The following FBXO16 variants were observed in gnomAD, a reference collection of about 807,000 sequenced individuals.
The protein encoded by FBXO16 is F-box protein 16.
FBXO16 carries 31 observed loss-of-function variants against 41.0 expected under a neutral mutation model. The ratio of observed to expected loss-of-function variants is 0.76; its 90% CI spans 0.57 to 1.02. FBXO16 has a LOEUF of 1.02. FBXO16 is among the 50% of genes least tolerant of loss of function. FBXO16 has a pLI of 0.00. For synonymous variants in FBXO16, 133 were observed against 117.8 expected (o/e 1.13, Z -0.84); for missense variants, 361 against 346.2 (o/e 1.04, Z -0.34).
intron 7 of FBXO16, among the ~76,000 whole-genome samples, chr8:28,429,637 C>A (rs1444535338): frequency 6.6e-6 from 1 of 151,952 alleles, no homozygotes; most frequent in African/African-American, 2.4e-5. Flanking sequence ...GGAGTCAGAT[C>A]AGAGTCCTTG....
At chr8:28,461,743 T>C (rs1360175510) in intron 4 of FBXO16, among the ~76,000 whole-genome samples, 1 of 152,220 alleles carries the variant, frequency 6.6e-6, no homozygotes, top group Non-Finnish European at 1.5e-5. Context: ...TTGCTCACGA[T>C]ACATAAAATG....
intron 3 of FBXO16, among the ~76,000 whole-genome samples, chr8:28,473,074 A>C (rs1281297854): frequency 6.6e-6 from 1 of 152,202 alleles, no homozygotes; most frequent in African/African-American, 2.4e-5. Flanking sequence ...CTGAGCTCTC[A>C]GTACCAGGAA....
rs56863677 is a variant in FBXO16, at chr8:28,464,168, T to A, written c.136-350A>T. ...CTGTGCAGCTCCTCCCCCCAAATAG[T>A]TTCTGCATTATCCCATCAGTGCTTA... is the stretch of plus-strand genomic sequence containing the variant. On this transcript the variant is annotated intron_variant, in intron 3 of 8. Transcript: ENST00000380254. Among the ~76,000 whole-genome samples the A allele has an allele frequency of 3.3e-5, 5 of 152,298 alleles. No individual in the cohort carries two copies. The East Asian group carries it at 9.6e-4, about 29-fold the overall frequency.
chr8:28,452,839 C>A (rs1045556042), intron 5 of FBXO16, among the ~76,000 whole-genome samples: 3 of 151,578 alleles, frequency 2.0e-5, no homozygotes, highest in Non-Finnish European at 4.4e-5. Context: ...AACAAAAAAA[C>A]CACACACTAT....
chr8:28,474,391 A>C (rs1803390590), intron 2 of FBXO16, among the ~76,000 whole-genome samples: 1 of 151,072 alleles, frequency 6.6e-6, no homozygotes, highest in Non-Finnish European at 1.5e-5. Context: ...AAAGAAAAGA[A>C]AAGAAAAAAT....
At chr8:28,442,479 G>A (rs762446670) in intron 7 of FBXO16, among the ~76,000 whole-genome samples, 1 of 152,108 alleles carries the variant, frequency 6.6e-6, no homozygotes, top group African/African-American at 2.4e-5. Flanking sequence ...TGCTTCCTGG[G>A]TTCAAGTGAT....
intron 7 of FBXO16, among the ~76,000 whole-genome samples, chr8:28,438,491 C>T (rs1802717437): frequency 6.6e-6 from 1 of 152,178 alleles, no homozygotes; most frequent in Non-Finnish European, 1.5e-5. Flanking sequence ...CCTCCTCCAC[C>T]TGTCTCTCAG....
In FBXO16 at chr8:28,452,285, A is replaced by G; in HGVS notation, c.699T>C (p.Asn233=). 1 of 1,614,206 alleles carries G rather than the reference A, an allele frequency of 6.2e-7. No individual in the cohort carries two copies. Among genetic ancestry groups the G allele is most frequent in the African/African-American group, 1.3e-5 (1 of 75,050 alleles). ...DKHPTDIIRF[N]YLDNRDPMET... is the part of the protein sequence containing the mutation. ...CCATGGGGTCACGGTTGTCTAGGTAATTAAAACGAATGATATCTGTTGGGT... is the reference window on the plus strand; with the variant it reads ...CCATGGGGTCACGGTTGTCTAGGTAGTTAAAACGAATGATATCTGTTGGGT... Residue 233 remains asparagine (N), a synonymous_variant, in exon 6 of 9, where the codon AAT becomes AAC. Transcript: ENST00000380254.
intron 4 of FBXO16, among the ~76,000 whole-genome samples, chr8:28,462,750 T>C (rs150315115): frequency 6.6e-6 from 1 of 152,346 alleles, no homozygotes; most frequent in Non-Finnish European, 1.5e-5. Flanking sequence ...ACAGAATTAC[T>C]TGTAAAAGAA....
At chr8:28,489,467 G>A (rs1803653764) in intron 1 of FBXO16, among the ~76,000 whole-genome samples, 1 of 148,526 alleles carries the variant, frequency 6.7e-6, no homozygotes, top group South Asian at 2.1e-4. Context: ...TTGAGCCCAG[G>A]AGTTGAAGCC....
chr8:28,460,245 A>ATATATATATATATATT (rs1477457728), intron 4 of FBXO16, among the ~76,000 whole-genome samples: 3 of 85,484 alleles, frequency 3.5e-5, no homozygotes, highest in Non-Finnish European at 2.0e-5. Context: ...ATATATATAT[A>ATATATATATATATATT]TTTTTTTTTT....
intron 4 of FBXO16, among the ~76,000 whole-genome samples, chr8:28,463,192 G>A (rs1307863727): frequency 6.6e-6 from 1 of 151,010 alleles, no homozygotes; most frequent in East Asian, 1.9e-4. Flanking sequence ...ATGTGTGTAT[G>A]TTTGTGTATG....
intron 3 of FBXO16, among the ~76,000 whole-genome samples, chr8:28,466,667 C>A (rs918033041): frequency 6.7e-6 from 1 of 149,892 alleles, no homozygotes; most frequent in Non-Finnish European, 1.5e-5. Flanking sequence ...TGGTGGCAGG[C>A]GCCTGTAGTC....
At chr8:28,451,880 AG>A (rs1173512236) in intron 6 of FBXO16, among the ~76,000 whole-genome samples, 10 of 151,764 alleles carry the variant, frequency 6.6e-5, no homozygotes, top group Non-Finnish European at 1.3e-4. Flanking sequence ...GCTACTTGGT[AG>A]GCTGAAGCAG....
chr8:28,451,722 C>A (rs886065354), intron 6 of FBXO16, among the ~76,000 whole-genome samples: 2 of 151,968 alleles, frequency 1.3e-5, no homozygotes, highest in African/African-American at 4.8e-5. Context: ...GTTGCTCATG[C>A]CTGTAATCCC....
intron 4 of FBXO16, among the ~76,000 whole-genome samples, chr8:28,457,267 G>A (rs1803053818): frequency 6.6e-6 from 1 of 152,162 alleles, no homozygotes; most frequent in South Asian, 2.1e-4. Context: ...GGCTCAGATA[G>A]ACTTCGGAAC....
At chr8:28,489,716 C>CA (rs1554529611) in intron 1 of FBXO16, among the ~76,000 whole-genome samples, 51 of 88,388 alleles carry the variant, frequency 5.8e-4, no homozygotes, top group Admixed American at 7.8e-4. Context: ...CAAAAACCAA[C>CA]AAAAAAAAAA....
At position 28,457,053 on chromosome 8, in the gene FBXO16, CA is replaced by C. The variant is rs1265155951; in HGVS notation, c.343-124del. On this transcript the variant is annotated intron_variant, in intron 4 of 8. Coordinates refer to ENST00000380254, the MANE Select transcript of FBXO16 (RefSeq NM_172366.4). ...AGAAAACTTTTTTGTCCTTTGCCTC[CA>C]AACCATAGCTTAAATGGTTACCTCC... 5.2e-6 allele frequency: 5 copies of C among 968,590 alleles called. No individual in the cohort carries two copies. The Admixed American group carries it at 8.4e-5, about 16-fold the overall frequency. 60.0% of individuals were successfully genotyped at this position (968,590 alleles called of 1,614,324 possible).
intron 5 of FBXO16, among the ~76,000 whole-genome samples, chr8:28,453,214 G>A (rs774579045): frequency 6.7e-6 from 1 of 149,338 alleles, no homozygotes; most frequent in Non-Finnish European, 1.5e-5. Flanking sequence ...GTAGTAAGTT[G>A]GAGGGCCAGA....
Sources: gnomAD v4.1 joint callset for allele counts (sites outside exome capture counted in the v4.1 genomes callset) on GRCh38, gnomAD v4.1.1 for gene constraint, MANE v1.5 for transcripts, NCBI Gene and HGNC (gene_info 2026-07-23, HGNC 2026-07-21) for gene names.